The following IQCE variants were observed in gnomAD, a reference collection of about 807,000 sequenced individuals.
IQCE encodes the protein IQ domain-containing protein E.
IQCE carries 115 observed loss-of-function variants against 96.0 expected under a neutral mutation model. The observed-to-expected ratio is 1.20, with a 90% CI of 1.03 to 1.40. The LOEUF is 1.40. Among genes scored for constraint, IQCE ranks in the 40% most tolerant of loss-of-function variants. IQCE has a pLI of 0.00. For missense variants in IQCE, 1,041 were observed against 909.1 expected, an observed-to-expected ratio of 1.15 and a Z score of -1.87; for synonymous variants, 412 against 371.2, an observed-to-expected ratio of 1.11 and a Z score of -1.26.
At chr7:2,604,179 G>T (rs1489500381) in intron 18 of IQCE, among the ~76,000 whole-genome samples, 1 of 152,202 alleles carries the variant, frequency 6.6e-6, no homozygotes. Context: ...GTAGAGACAG[G>T]TTTTTACCAT....
At position 2,593,012 on chromosome 7, in the gene IQCE, T is replaced by A; in HGVS notation, c.1245-10T>A. On this transcript the variant is annotated splice_polypyrimidine_tract_variant and intron_variant, in intron 14 of 21. Coordinates refer to ENST00000402050, the MANE Select transcript of IQCE (RefSeq NM_152558.5). ...GTGAACGCTGACGAGTCTCCTATTC[T>A]TGTGTGCAGTTTGGAGGTGAAGCAG... 1 of 1,593,706 alleles carries A rather than the reference T, an allele frequency of 6.3e-7. No individual in the cohort carries two copies. Among genetic ancestry groups the A allele is most frequent in the Non-Finnish European group, 8.6e-7 (1 of 1,165,672 alleles).
intron 5 of IQCE, 112 bp from the exon 6 acceptor site, chr7:2,573,306 C>T (rs1781890077): frequency 3.2e-6 from 2 of 634,262 alleles, no homozygotes; most frequent in Non-Finnish European, 2.8e-6. Context: ...TTTTTATTTT[C>T]TTCTTTTTTA....
intron 14 of IQCE, among the ~76,000 whole-genome samples, chr7:2,591,207 C>T (rs1454938732): frequency 6.6e-6 from 1 of 151,828 alleles, no homozygotes. Flanking sequence ...GAGCTATAAT[C>T]GTACCACTGC....
In IQCE at chr7:2,589,910, C is replaced by CT; in HGVS notation, c.1049dup (p.Ser351LysfsTer130). 6.2e-7 allele frequency: 1 copy of CT among 1,613,698 alleles called. No homozygotes were observed. The highest frequency in any genetic ancestry group is 8.5e-7 in the Non-Finnish European group (1 of 1,179,922). On this transcript the variant is annotated frameshift_variant, in exon 14 of 22. Transcript: ENST00000402050. LOFTEE classifies it high-confidence loss of function. ...CACATGTCTGTGTTGCCTCCAGAAA[C>CT]TAAGTGTGATGGAGAGCTCAAAATC... is the stretch of plus-strand genomic sequence containing the variant.
rs1783106311 is a variant in IQCE at position 2,586,301 on chromosome 7, A to AGAGAACCAGAGCCTGAAG, written c.922_939dup (p.Asn308_Glu313dup). ...CCCGGAGTGTCCAGGAGCTCACGGA[A>AGAGAACCAGAGCCTGAAG]GAGAACCAGAGCCTGAAGGAGGACC... On this transcript the variant is annotated inframe_insertion, in exon 12 of 22. Coordinates refer to ENST00000402050, the MANE Select transcript of IQCE (RefSeq NM_152558.5). 1.9e-6 allele frequency: 3 copies of AGAGAACCAGAGCCTGAAG among 1,613,892 alleles called. No individual in the cohort carries two copies. The highest frequency in any genetic ancestry group is 2.5e-6 in the Non-Finnish European group (3 of 1,179,814).
intron 17 of IQCE, among the ~76,000 whole-genome samples, chr7:2,600,385 T>C (rs1784353713): frequency 6.6e-6 from 1 of 152,236 alleles, no homozygotes; most frequent in Non-Finnish European, 1.5e-5. Flanking sequence ...TTCGCCATTT[T>C]AAAGAAACGA....
intron 6 of IQCE, among the ~76,000 whole-genome samples, chr7:2,577,582 G>A (rs1447161642): frequency 7.9e-6 from 1 of 127,346 alleles, no homozygotes. Flanking sequence ...TGTGCGGCGT[G>A]CCCGCATTGG....
At chr7:2,594,228 C>T (rs1783840834) in intron 15 of IQCE, among the ~76,000 whole-genome samples, 1 of 152,176 alleles carries the variant, frequency 6.6e-6, no homozygotes, top group Admixed American at 6.5e-5. Context: ...CCACTGTCCT[C>T]TATCCTGGGT....
intron 21 of IQCE, among the ~76,000 whole-genome samples, chr7:2,608,473 C>G (rs59287192): frequency 6.6e-6 from 1 of 152,164 alleles, no homozygotes; most frequent in Non-Finnish European, 1.5e-5. Flanking sequence ...TTCGTCAGAG[C>G]TAGAAAACTT....
At chr7:2,576,799 G>A (rs1489809929) in intron 6 of IQCE, among the ~76,000 whole-genome samples, 1 of 152,214 alleles carries the variant, frequency 6.6e-6, no homozygotes, top group African/African-American at 2.4e-5. Flanking sequence ...CACCTGAGCT[G>A]TAACTGAGGA....
At chr7:2,565,634 T>G (rs1331329655) in intron 1 of IQCE, among the ~76,000 whole-genome samples, 1 of 152,178 alleles carries the variant, frequency 6.6e-6, no homozygotes, top group African/African-American at 2.4e-5. Flanking sequence ...CAGGGCTGAC[T>G]TGGCTTTTCT....
Position 2,572,248 on chromosome 7 carries a change from G to GT in IQCE, c.317dup (p.Gly108ArgfsTer5). 1 of 1,614,140 alleles carries GT rather than the reference G, an allele frequency of 6.2e-7. No individual in the cohort carries two copies. Among genetic ancestry groups the GT allele is most frequent in the Non-Finnish European group, 8.5e-7 (1 of 1,179,994 alleles). On this transcript the variant is annotated frameshift_variant, in exon 5 of 22. Transcript: ENST00000402050. LOFTEE classifies it high-confidence loss of function. ...CACCTGGGAGCATGCGTGGACTGGCGTCCCCGGCGGCACTCCTGACTGTCT... is the reference window on the plus strand; with the variant it reads ...CACCTGGGAGCATGCGTGGACTGGCGTTCCCCGGCGGCACTCCTGACTGTCT...
intron 1 of IQCE, among the ~76,000 whole-genome samples, chr7:2,564,014 C>T (rs1003407980): frequency 5.9e-5 from 9 of 151,334 alleles, no homozygotes; most frequent in African/African-American, 2.2e-4. Flanking sequence ...TCAAGACCAG[C>T]CTGGCCAACA....
intron 20 of IQCE, among the ~76,000 whole-genome samples, chr7:2,606,503 G>C (rs2128473623): frequency 6.6e-6 from 1 of 152,294 alleles, no homozygotes; most frequent in East Asian, 1.9e-4. Flanking sequence ...CTGGCCGGGG[G>C]GAGTTTACAG....
intron 16 of IQCE, among the ~76,000 whole-genome samples, chr7:2,597,750 T>C (rs952201689): frequency 2.6e-5 from 4 of 152,232 alleles, no homozygotes; most frequent in Non-Finnish European, 5.9e-5. Flanking sequence ...TCACTGCAGC[T>C]TTGACCCCTG....
chr7:2,560,903 G>A (rs1023690711), intron 1 of IQCE, among the ~76,000 whole-genome samples: 5 of 140,406 alleles, frequency 3.6e-5, no homozygotes, highest in Admixed American at 1.5e-4. Context: ...CTTGCAGCGA[G>A]CCAAGATCGT....
chr7:2,601,300 G>A (rs1182518163), intron 17 of IQCE, 141 bp from the exon 18 acceptor site: 24 of 663,206 alleles, frequency 3.6e-5, no homozygotes, highest in Middle Eastern at 3.9e-4. Context: ...GCTGGGTCCC[G>A]GCAGCTCGGG....
chr7:2,564,584 C>T (rs534089461), intron 1 of IQCE, among the ~76,000 whole-genome samples: 2 of 150,826 alleles, frequency 1.3e-5, no homozygotes, highest in Non-Finnish European at 2.9e-5. Flanking sequence ...GGCGACAAGG[C>T]GAGATTCTGT....
In IQCE at chr7:2,604,977, G is replaced by A. The variant is rs758636161; in HGVS notation, c.1729G>A (p.Gly577Ser). The A allele has an allele frequency of 6.2e-7, 1 of 1,612,798 alleles. No individual in the cohort carries two copies. Among genetic ancestry groups the A allele is most frequent in the Admixed American group, 1.7e-5 (1 of 60,000 alleles). The change falls in exon 19 of 22, where the codon GGC becomes AGC. Residue 577 changes from glycine to serine, a missense_variant. Physicochemically the swap from Gly to Ser is moderately conservative, Grantham distance 56. Transcript: ENST00000402050. ...TGGCTCAGAGCCACCCAGCGTGCCA[G>A]GCCTCCCAGACCAGGTAATGTCGGG... The part of the protein sequence containing the change: ...AHGSEPPSVP[G>S]LPDQSSPVPR...
Sources: allele counts gnomAD v4.1 joint callset (sites outside exome capture counted in the v4.1 genomes callset), GRCh38; gene constraint gnomAD v4.1.1; transcripts MANE v1.5; gene names NCBI Gene and HGNC (gene_info 2026-07-23, HGNC 2026-07-21).